The following ATRNL1 variants were observed in gnomAD, a reference collection of about 807,000 sequenced individuals.
ATRNL1 encodes the protein attractin like 1.
In ATRNL1, 95 loss-of-function variants were observed where a neutral mutation model predicts 182.7. That is an observed-to-expected ratio of 0.52 (90% CI 0.44 to 0.62). The LOEUF (loss-of-function observed/expected upper bound fraction) is 0.62, where lower values mean the gene tolerates loss of function less well. Among genes scored for constraint, ATRNL1 ranks in the 20% least tolerant of loss-of-function variants. ATRNL1 has a pLI of 0.00. For synonymous variants in ATRNL1, 576 were observed against 568.3 expected, an observed-to-expected ratio of 1.01 and a Z score of -0.19; for missense variants, 1,471 against 1,679.5, an observed-to-expected ratio of 0.88 and a Z score of 2.17.
chr10:115,733,471 T>C (rs1947859098), intron 27 of ATRNL1, among the ~76,000 whole-genome samples: 1 of 152,244 alleles, frequency 6.6e-6, no homozygotes, highest in Non-Finnish European at 1.5e-5. Flanking sequence ...GTTCATTCTC[T>C]GTTTATTGGG....
At chr10:115,788,780 C>T (rs142483295) in intron 27 of ATRNL1, among the ~76,000 whole-genome samples, 4 of 152,280 alleles carry the variant, frequency 2.6e-5, no homozygotes, top group African/African-American at 7.2e-5. Context: ...TCAACTAGAC[C>T]TACATAATCT....
intron 3 of ATRNL1, among the ~76,000 whole-genome samples, chr10:115,125,743 C>T (rs1284610858): frequency 2.0e-5 from 3 of 152,142 alleles, no homozygotes; most frequent in Non-Finnish European, 4.4e-5. Context: ...CCATTGGAGT[C>T]CCAGTTCAAC....
chr10:115,738,154 T>TTTTC lies in ATRNL1; in HGVS notation c.3903+10801_3903+10802insTCTT, dbSNP rs71010046. Among the ~76,000 whole-genome samples, 186 of 63,892 alleles carry TTTTC rather than the reference T, an allele frequency of 2.9e-3. 11 individuals carry two copies. The highest frequency in any genetic ancestry group is 6.1e-3 in the East Asian group (8 of 1,316). 41.9% of individuals were successfully genotyped at this position (63,892 alleles called of 152,430 possible). ...TTTTTTTTTTTTTTTTTTTTTTTTT[T>TTTTC]TTGAGATGGAGTCCTGCTCTGTCGC... On this transcript the variant is annotated intron_variant, in intron 27 of 28. Coordinates refer to ENST00000355044, the MANE Select transcript of ATRNL1 (RefSeq NM_207303.4).
chr10:115,730,689 G>C (rs1284617195), intron 27 of ATRNL1, among the ~76,000 whole-genome samples: 1 of 152,094 alleles, frequency 6.6e-6, no homozygotes, highest in East Asian at 1.9e-4. Context: ...TGCTTTTATA[G>C]CTATGGGATT....
chr10:115,179,267 C>T (rs180891764), intron 8 of ATRNL1, among the ~76,000 whole-genome samples: 2 of 152,218 alleles, frequency 1.3e-5, no homozygotes, highest in Admixed American at 1.3e-4. Context: ...CCTCTGGCTT[C>T]CAGGTAGGCT....
At chr10:115,508,111 A>C (rs563798315) in intron 24 of ATRNL1, among the ~76,000 whole-genome samples, 1 of 152,140 alleles carries the variant, frequency 6.6e-6, no homozygotes, top group East Asian at 1.9e-4. Context: ...GGTTATTTTT[A>C]AAATATTTTT....
At chr10:115,483,081 A>G (rs2134621465) in intron 24 of ATRNL1, among the ~76,000 whole-genome samples, 1 of 151,468 alleles carries the variant, frequency 6.6e-6, no homozygotes, top group Non-Finnish European at 1.5e-5. Flanking sequence ...CAAATTATAA[A>G]TGAAAATTAT....
intron 26 of ATRNL1, among the ~76,000 whole-genome samples, chr10:115,708,236 A>G (rs1946958677): frequency 6.6e-6 from 1 of 151,674 alleles, no homozygotes; most frequent in Admixed American, 6.6e-5. Context: ...CTTACTTCAC[A>G]TAGATCAGTG....
chr10:115,852,424 C>A (rs1951078033), intron 28 of ATRNL1, among the ~76,000 whole-genome samples: 1 of 152,126 alleles, frequency 6.6e-6, no homozygotes, highest in African/African-American at 2.4e-5. Flanking sequence ...AATAAGATAA[C>A]TTTGGTTTAA....
At chr10:115,521,300 G>A (rs111974294) in intron 25 of ATRNL1, among the ~76,000 whole-genome samples, 4,190 of 151,950 alleles carry the variant, frequency 0.028, 166 homozygotes, top group African/African-American at 0.094. Flanking sequence ...TTACAGGCAC[G>A]TGCCACCACG....
At chr10:115,206,192 T>C (rs1554893702) in intron 8 of ATRNL1, among the ~76,000 whole-genome samples, 1 of 152,120 alleles carries the variant, frequency 6.6e-6, no homozygotes, top group Non-Finnish European at 1.5e-5. Context: ...TTTAAATTGT[T>C]GTTCCCTTAT....
intron 24 of ATRNL1, among the ~76,000 whole-genome samples, chr10:115,485,474 A>G (rs1848974104): frequency 6.6e-6 from 1 of 152,048 alleles, no homozygotes; most frequent in Non-Finnish European, 1.5e-5. Flanking sequence ...CATAGTTGTC[A>G]TTTCTGTGGT....
intron 28 of ATRNL1, among the ~76,000 whole-genome samples, chr10:115,913,058 C>T (rs1162441583): frequency 6.6e-6 from 1 of 152,186 alleles, no homozygotes; most frequent in Non-Finnish European, 1.5e-5. Flanking sequence ...GCAGCTGCTG[C>T]TGGTAGCATA....
At chr10:115,418,254 A>G (rs1845490308) in intron 20 of ATRNL1, among the ~76,000 whole-genome samples, 1 of 152,210 alleles carries the variant, frequency 6.6e-6, no homozygotes, top group African/African-American at 2.4e-5. Flanking sequence ...ATAAAAACAA[A>G]TGGAAATCCT....
At chr10:115,351,765 T>TTTTGTTTTGTTTTGTTTTG (rs1183430865) in intron 19 of ATRNL1, among the ~76,000 whole-genome samples, 1 of 151,990 alleles carries the variant, frequency 6.6e-6, no homozygotes, top group Non-Finnish European at 1.5e-5. Context: ...TTTTGTTTTG[T>TTTTGTTTTGTTTTGTTTTG]TTTGTTTGTG....
Position 115,558,043 on chromosome 10 carries a change from CAAAAACAA to C in ATRNL1, c.3795+8529_3795+8536del, listed in dbSNP as rs1221804832. 5.9e-5 allele frequency among the ~76,000 whole-genome samples: 7 copies of C among 118,704 alleles called. No individual in the cohort carries two copies. In the South Asian group the frequency reaches 1.1e-3, roughly 19 times the overall value. The allele number at this position is 118,704 out of a possible 152,430, so 77.9% of individuals were successfully genotyped here. ...CTGGCGACAGAGCAAGACTCCATCTCAAAAACAAAAAAACAAAAAAACAAAAAAAAAAA... is the reference window on the plus strand; with the variant it reads ...CTGGCGACAGAGCAAGACTCCATCTCAAAAACAAAAAAACAAAAAAAAAAA... On this transcript the variant is annotated intron_variant, in intron 26 of 28. Transcript: ENST00000355044.
At chr10:115,855,959 A>G (rs1371982801) in intron 28 of ATRNL1, among the ~76,000 whole-genome samples, 1 of 152,192 alleles carries the variant, frequency 6.6e-6, no homozygotes, top group Non-Finnish European at 1.5e-5. Flanking sequence ...AATTTTTTTA[A>G]CTATTTTATT....
intron 26 of ATRNL1, among the ~76,000 whole-genome samples, chr10:115,557,178 A>G (rs1222545956): frequency 2.0e-5 from 3 of 152,066 alleles, no homozygotes; most frequent in Non-Finnish European, 4.4e-5. Context: ...TGGTTTATGG[A>G]GAGGAGTTAA....
intron 26 of ATRNL1, among the ~76,000 whole-genome samples, chr10:115,681,296 A>G (rs1366381551): frequency 6.6e-6 from 1 of 152,190 alleles, no homozygotes; most frequent in Admixed American, 6.5e-5. Context: ...AATACAGAGT[A>G]AGTATTGGAC....
Sources: gnomAD v4.1 joint callset for allele counts (sites outside exome capture counted in the v4.1 genomes callset) on GRCh38, gnomAD v4.1.1 for gene constraint, MANE v1.5 for transcripts, NCBI Gene and HGNC (gene_info 2026-07-23, HGNC 2026-07-21) for gene names.